Variants in GALNTL6 observed in about 807,000 individuals in gnomAD.
The protein encoded by GALNTL6 is polypeptide N-acetylgalactosaminyltransferase-like 6.
A neutral mutation model predicts 73.7 loss-of-function variants in GALNTL6; 46 were observed. The observed-to-expected ratio is 0.62, with a 90% CI of 0.49 to 0.80. GALNTL6 has a LOEUF of 0.80. Ranked by LOEUF, GALNTL6 falls within the 30% of genes least tolerant of loss-of-function variation. The pLI is 0.00. For missense variants in GALNTL6, 604 were observed against 755.0 expected (o/e 0.80, Z 2.34); for synonymous variants, 259 against 263.7 (o/e 0.98, Z 0.17).
intron 5 of GALNTL6, among the ~76,000 whole-genome samples, chr4:172,601,901 T>G (rs893574964): frequency 1.3e-5 from 2 of 152,000 alleles, no homozygotes; most frequent in African/African-American, 2.4e-5. Flanking sequence ...ACAAATATGA[T>G]AAGCACAAAG....
chr4:173,033,184 T>C (rs1753541608), intron 12 of GALNTL6, among the ~76,000 whole-genome samples: 1 of 151,920 alleles, frequency 6.6e-6, no homozygotes, highest in Admixed American at 6.6e-5. Flanking sequence ...TGTTTTTTAG[T>C]AGAGATGGGG....
At position 172,420,852 on chromosome 4, in the gene GALNTL6, A is replaced by G. The variant is rs139142738; in HGVS notation, c.553+72163A>G. On this transcript the variant is annotated intron_variant, in intron 5 of 12. Transcript: ENST00000506823. ...TGCAGCCAAAAAAAAGAATGAGTTCATGTCCTTTTCAGGGACATGGATGAA... is the reference window on the plus strand; with the variant it reads ...TGCAGCCAAAAAAAAGAATGAGTTCGTGTCCTTTTCAGGGACATGGATGAA... 1.4e-4 allele frequency among the ~76,000 whole-genome samples: 22 copies of G among 152,306 alleles called. No homozygotes were observed. In the East Asian group the frequency reaches 3.7e-3, roughly 25 times the overall value.
intron 5 of GALNTL6, among the ~76,000 whole-genome samples, chr4:172,395,794 A>T (rs571198800): frequency 1.4e-4 from 21 of 152,192 alleles, no homozygotes; most frequent in Non-Finnish European, 2.2e-4. Context: ...TAGTTTCAAA[A>T]ATTTAAACAT....
chr4:172,947,655 AGATT>A (rs145575945), intron 9 of GALNTL6, among the ~76,000 whole-genome samples: 672 of 151,652 alleles, frequency 4.4e-3, no homozygotes, highest in Non-Finnish European at 7.2e-3. Flanking sequence ...AGGACTACTC[AGATT>A]GATTTATTTT....
At chr4:172,470,314 T>G (rs1732998991) in intron 5 of GALNTL6, among the ~76,000 whole-genome samples, 1 of 152,188 alleles carries the variant, frequency 6.6e-6, no homozygotes, top group South Asian at 2.1e-4. Context: ...AAGGTCACAC[T>G]TAACTAGTGC....
At chr4:172,612,184 T>C (rs1738549319) in intron 5 of GALNTL6, among the ~76,000 whole-genome samples, 2 of 151,972 alleles carry the variant, frequency 1.3e-5, no homozygotes, top group South Asian at 4.1e-4. Flanking sequence ...ATTTTTAAAG[T>C]TGGGGGTGGG....
intron 8 of GALNTL6, among the ~76,000 whole-genome samples, chr4:172,906,693 G>A (rs1294758933): frequency 6.6e-6 from 1 of 152,190 alleles, no homozygotes; most frequent in African/African-American, 2.4e-5. Context: ...CTGTCATCTG[G>A]AGATCACTTT....
At chr4:172,553,248 G>A (rs1038048936) in intron 5 of GALNTL6, among the ~76,000 whole-genome samples, 2 of 152,146 alleles carry the variant, frequency 1.3e-5, no homozygotes, top group African/African-American at 4.8e-5. Context: ...GATCCTGGGC[G>A]ATGGGAATAT....
intron 10 of GALNTL6, among the ~76,000 whole-genome samples, chr4:172,989,187 T>C (rs1751433014): frequency 6.6e-6 from 1 of 152,208 alleles, no homozygotes. Context: ...GGAGGCTATA[T>C]CTTGCAGAGC....
chr4:171,914,584 T>A (rs1578967402), intron 2 of GALNTL6, among the ~76,000 whole-genome samples: 1 of 151,700 alleles, frequency 6.6e-6, no homozygotes, highest in Admixed American at 6.6e-5. Flanking sequence ...CATGCCCAAT[T>A]TTTGTATTTT....
intron 7 of GALNTL6, among the ~76,000 whole-genome samples, chr4:172,875,168 G>A (rs1035022446): frequency 1.3e-5 from 2 of 152,210 alleles, no homozygotes; most frequent in African/African-American, 2.4e-5. Flanking sequence ...TGGACCCAAA[G>A]ACCCTTGTCA....
chr4:172,863,297 G>A (rs1744492905), intron 7 of GALNTL6, among the ~76,000 whole-genome samples: 3 of 152,162 alleles, frequency 2.0e-5, no homozygotes, highest in Admixed American at 1.3e-4. Flanking sequence ...CAGAATGGTA[G>A]ATCCACTCAC....
At chr4:172,192,312 TAA>T (rs1021828643) in intron 2 of GALNTL6, among the ~76,000 whole-genome samples, 2 of 152,028 alleles carry the variant, frequency 1.3e-5, no homozygotes, top group African/African-American at 4.8e-5. Context: ...ACAGACAATG[TAA>T]AAAAATTTTA....
chr4:172,920,017 CCACT>C (rs1194162814), intron 8 of GALNTL6, among the ~76,000 whole-genome samples: 2 of 152,156 alleles, frequency 1.3e-5, no homozygotes, highest in African/African-American at 4.8e-5. Flanking sequence ...TCTTCTGCTA[CCACT>C]CAAACCTCTA....
intron 5 of GALNTL6, among the ~76,000 whole-genome samples, chr4:172,625,208 A>G (rs952976158): frequency 1.3e-5 from 2 of 151,784 alleles, no homozygotes; most frequent in Admixed American, 1.3e-4. Context: ...CTCTTTTACT[A>G]CCCTTGACCT....
intron 5 of GALNTL6, among the ~76,000 whole-genome samples, chr4:172,555,766 T>C (rs1166135861): frequency 1.3e-5 from 2 of 152,044 alleles, no homozygotes; most frequent in Non-Finnish European, 2.9e-5. Flanking sequence ...AACAAATATA[T>C]TTTAAAAGAA....
At chr4:172,556,744 C>CA (rs111334750) in intron 5 of GALNTL6, among the ~76,000 whole-genome samples, 5,649 of 119,702 alleles carry the variant, frequency 0.047, 114 homozygotes, top group Non-Finnish European at 0.058. Context: ...AGACCCACAC[C>CA]AAAAAAAAAA....
Position 171,880,147 on chromosome 4 carries a change from G to A in GALNTL6, c.138+65429G>A, listed in dbSNP as rs555534946. Among the ~76,000 whole-genome samples the A allele has an allele frequency of 7.0e-4, 107 of 152,242 alleles. 1 individual carries two copies. The highest frequency in any genetic ancestry group is 2.4e-3 in the African/African-American group (101 of 41,556). On this transcript the variant is annotated intron_variant, in intron 2 of 12. Coordinates refer to ENST00000506823, the MANE Select transcript of GALNTL6 (RefSeq NM_001034845.3). ...CATGTTTCATTTATTTTAGATCCAA[G>A]GAGTTCTTCTCATTAACATTTCCCT...
chr4:172,355,584 TATG>T (rs1206099555), intron 5 of GALNTL6, among the ~76,000 whole-genome samples: 1 of 152,124 alleles, frequency 6.6e-6, no homozygotes, highest in Non-Finnish European at 1.5e-5. Flanking sequence ...TTGTAAAAGG[TATG>T]ATGAGTACTA....
Sources: allele counts gnomAD v4.1 joint callset (sites outside exome capture counted in the v4.1 genomes callset), GRCh38; gene constraint gnomAD v4.1.1; transcripts MANE v1.5; gene names NCBI Gene and HGNC (gene_info 2026-07-23, HGNC 2026-07-21).